Variants in TAFA4 observed in about 807,000 individuals in gnomAD.
The protein encoded by TAFA4 is chemokine-like protein TAFA-4.
In TAFA4, 20 loss-of-function variants were observed where a neutral mutation model predicts 21.1. The ratio of observed to expected loss-of-function variants is 0.95; its 90% CI spans 0.67 to 1.38. The LOEUF (loss-of-function observed/expected upper bound fraction) is 1.38, where lower values mean the gene tolerates loss of function less well. Among genes scored for constraint, TAFA4 ranks in the 40% most tolerant of loss-of-function variants. The probability of loss-of-function intolerance (pLI) is 0.00; values close to 1 mark genes in which losing one functional copy is unlikely to be tolerated. For synonymous variants in TAFA4, 71 were observed against 67.4 expected, an observed-to-expected ratio of 1.05 and a Z score of -0.26; for missense variants, 211 against 180.9, an observed-to-expected ratio of 1.17 and a Z score of -0.95.
At chr3:68,896,315 G>C (rs914624439) in intron 1 of TAFA4, among the ~76,000 whole-genome samples, 1 of 152,142 alleles carries the variant, frequency 6.6e-6, no homozygotes, top group South Asian at 2.1e-4. Context: ...GGTAGAGAAT[G>C]TCCTGATGTG....
intron 1 of TAFA4, among the ~76,000 whole-genome samples, chr3:68,886,365 G>GA (rs1258005883): frequency 6.6e-6 from 1 of 152,134 alleles, no homozygotes; most frequent in African/African-American, 2.4e-5. Context: ...AAGTTGCTCA[G>GA]AAAAAACAAC....
At chr3:68,838,294 C>A (rs1391691510) in intron 3 of TAFA4, among the ~76,000 whole-genome samples, 2 of 152,098 alleles carry the variant, frequency 1.3e-5, no homozygotes, top group Non-Finnish European at 1.5e-5. Context: ...TAATTAAGTG[C>A]GCTAACTGAG....
intron 3 of TAFA4, among the ~76,000 whole-genome samples, chr3:68,767,758 G>A (rs116025022): frequency 6.6e-6 from 1 of 151,582 alleles, no homozygotes; most frequent in African/African-American, 2.4e-5. Flanking sequence ...ACATTCATAG[G>A]TAAGTCCTTA....
At chr3:68,925,909 A>T (rs1282259734) in intron 1 of TAFA4, among the ~76,000 whole-genome samples, 2 of 152,198 alleles carry the variant, frequency 1.3e-5, no homozygotes, top group Non-Finnish European at 2.9e-5. Context: ...GACACAGATC[A>T]TATGATGTAT....
At chr3:68,822,763 C>T (rs189323949) in intron 3 of TAFA4, among the ~76,000 whole-genome samples, 2 of 152,166 alleles carry the variant, frequency 1.3e-5, no homozygotes, top group Non-Finnish European at 2.9e-5. Context: ...TGAGCCACTG[C>T]GCCTGGCTGC....
At chr3:68,817,572 T>C (rs535702904) in intron 3 of TAFA4, among the ~76,000 whole-genome samples, 197 of 152,324 alleles carry the variant, frequency 1.3e-3, no homozygotes, top group African/African-American at 4.5e-3. Flanking sequence ...AAAGCAGCTA[T>C]AATGCTAGGA....
chr3:68,835,824 C>G (rs1294869790), intron 3 of TAFA4, among the ~76,000 whole-genome samples: 1 of 152,192 alleles, frequency 6.6e-6, no homozygotes, highest in Non-Finnish European at 1.5e-5. Context: ...GCATCAAATG[C>G]CAACTTCAGC....
At chr3:68,753,078 A>G in intron 3 of TAFA4, 60 bp from the exon 4 acceptor site, 1 of 1,523,366 alleles carries the variant, frequency 6.6e-7, no homozygotes, top group Non-Finnish European at 9.0e-7. Flanking sequence ...TGACACCACC[A>G]AAACCAAAAT....
intron 3 of TAFA4, among the ~76,000 whole-genome samples, chr3:68,768,559 T>C (rs986976476): frequency 2.0e-5 from 3 of 152,138 alleles, no homozygotes; most frequent in African/African-American, 7.2e-5. Flanking sequence ...AAATTAAAAA[T>C]AGAAGACTAT....
At chr3:68,746,328 A>T (rs958567967) in intron 4 of TAFA4, among the ~76,000 whole-genome samples, 1 of 150,622 alleles carries the variant, frequency 6.6e-6, no homozygotes, top group Non-Finnish European at 1.5e-5. Flanking sequence ...TCATATATAC[A>T]TCTATCTCAT....
intron 3 of TAFA4, among the ~76,000 whole-genome samples, chr3:68,814,531 A>C (rs1378611370): frequency 1.3e-5 from 2 of 148,546 alleles, no homozygotes; most frequent in Non-Finnish European, 3.0e-5. Context: ...TAACAGACAG[A>C]CAGCCAAATC....
chr3:68,876,815 A>G (rs1342219823), intron 3 of TAFA4, among the ~76,000 whole-genome samples: 1 of 152,122 alleles, frequency 6.6e-6, no homozygotes, highest in African/African-American at 2.4e-5. Flanking sequence ...CATTCAAAAG[A>G]AGAAGACAGC....
chr3:68,820,295 G>T (rs1704084247), intron 3 of TAFA4, among the ~76,000 whole-genome samples: 1 of 152,184 alleles, frequency 6.6e-6, no homozygotes, highest in East Asian at 1.9e-4. Context: ...TAAGATATTT[G>T]TCAAATGACA....
intron 3 of TAFA4, among the ~76,000 whole-genome samples, chr3:68,818,411 G>C (rs1704035364): frequency 6.6e-6 from 1 of 152,190 alleles, no homozygotes; most frequent in South Asian, 2.1e-4. Flanking sequence ...GTGTTCACTG[G>C]TATGGCACTG....
At chr3:68,885,597 T>C (rs892708998) in intron 1 of TAFA4, among the ~76,000 whole-genome samples, 2 of 152,172 alleles carry the variant, frequency 1.3e-5, no homozygotes, top group African/African-American at 4.8e-5. Flanking sequence ...GGGTCCCAAA[T>C]CATTTGAAAT....
chr3:68,759,928 A>T (rs13095333), intron 3 of TAFA4, among the ~76,000 whole-genome samples: 7,385 of 151,926 alleles, frequency 0.049, 439 homozygotes, highest in East Asian at 0.25. Context: ...TATTTTACCA[A>T]CTCTTACGTA....
chr3:68,872,916 A>T (rs564661705), intron 3 of TAFA4, among the ~76,000 whole-genome samples: 5 of 152,272 alleles, frequency 3.3e-5, no homozygotes, highest in Non-Finnish European at 7.4e-5. Context: ...ATGTTAAATA[A>T]ATGCTTCCAA....
At chr3:68,899,079 G>T (rs1156456427) in intron 1 of TAFA4, among the ~76,000 whole-genome samples, 2 of 152,146 alleles carry the variant, frequency 1.3e-5, no homozygotes. Context: ...GGCCATAGCT[G>T]CGTAGGAAAT....
chr3:68,895,398 G>A (rs2089778412), intron 1 of TAFA4, among the ~76,000 whole-genome samples: 1 of 152,200 alleles, frequency 6.6e-6, no homozygotes, highest in Admixed American at 6.5e-5. Context: ...GCCTCCCAAA[G>A]TGCTGGGATT....
Sources: allele counts gnomAD v4.1 joint callset (sites outside exome capture counted in the v4.1 genomes callset), GRCh38; gene constraint gnomAD v4.1.1; transcripts MANE v1.5; gene names NCBI Gene and HGNC (gene_info 2026-07-23, HGNC 2026-07-21).